UNC5D: variants seen among roughly 807,000 people sequenced by gnomAD.
UNC5D encodes unc-5 netrin receptor D, also known as netrin receptor UNC5D.
Under a neutral mutation model 105.4 loss-of-function variants are expected in UNC5D, and 39 were observed. That is an observed-to-expected ratio of 0.37 (90% CI 0.29 to 0.48). The LOEUF (loss-of-function observed/expected upper bound fraction) is 0.48, where lower values mean the gene tolerates loss of function less well. UNC5D is among the 20% of genes least tolerant of loss of function. The pLI is 0.98. For missense variants in UNC5D, 991 were observed against 1,202.4 expected, an observed-to-expected ratio of 0.82 and a Z score of 2.60; for synonymous variants, 452 against 450.4, an observed-to-expected ratio of 1.00 and a Z score of -0.04.
intron 4 of UNC5D, among the ~76,000 whole-genome samples, chr8:35,659,359 T>C (rs1823977358): frequency 6.6e-6 from 1 of 152,216 alleles, no homozygotes; most frequent in African/African-American, 2.4e-5. Flanking sequence ...TTGAGATCAA[T>C]TTTGTGAAAT....
intron 1 of UNC5D, among the ~76,000 whole-genome samples, chr8:35,508,955 A>T (rs1812509635): frequency 6.6e-6 from 1 of 152,218 alleles, no homozygotes; most frequent in Non-Finnish European, 1.5e-5. Context: ...AATAGTTTGA[A>T]TTTATTATTA....
chr8:35,678,311 T>C (rs983998724), intron 4 of UNC5D, among the ~76,000 whole-genome samples: 25 of 152,314 alleles, frequency 1.6e-4, no homozygotes, highest in African/African-American at 5.8e-4. Context: ...GCATCAGTCA[T>C]AATACCTTCC....
chr8:35,474,450 T>C (rs1417117294), intron 1 of UNC5D, among the ~76,000 whole-genome samples: 1 of 152,176 alleles, frequency 6.6e-6, no homozygotes, highest in Non-Finnish European at 1.5e-5. Flanking sequence ...TGTAGAAATA[T>C]GAGAAAAAGA....
chr8:35,467,551 C>T (rs1475383816), intron 1 of UNC5D, among the ~76,000 whole-genome samples: 2 of 131,910 alleles, frequency 1.5e-5, no homozygotes, highest in Non-Finnish European at 3.1e-5. Flanking sequence ...ACCTTCCATG[C>T]CATAATGAAA....
intron 9 of UNC5D, among the ~76,000 whole-genome samples, chr8:35,725,652 G>C (rs572296981): frequency 1.3e-5 from 2 of 152,026 alleles, no homozygotes; most frequent in African/African-American, 4.8e-5. Context: ...ACAGAATTCC[G>C]TATGAAATGC....
intron 1 of UNC5D, among the ~76,000 whole-genome samples, chr8:35,237,195 T>G (rs1033656170): frequency 6.7e-6 from 1 of 148,242 alleles, no homozygotes; most frequent in Non-Finnish European, 1.5e-5. Flanking sequence ...TTTTTTTTTT[T>G]TTTTTTTTTT....
Position 35,790,513 on chromosome 8 carries a change from T to A in UNC5D, c.2812T>A (p.Ser938Thr). The change falls in exon 17 of 17, where the codon TCC becomes ACC. Residue 938 changes from serine (S) to threonine (T), a missense_variant. Physicochemically the swap from Ser to Thr is moderately conservative, Grantham distance 58 (BLOSUM62 1). This residue lies in a region of UNC5D where 45 missense variants were observed against 54.5 expected (regional missense o/e 0.83). Coordinates refer to ENST00000404895, the MANE Select transcript of UNC5D (RefSeq NM_080872.4). ...THTKLSNISE[S>T]QLDEADFNYS... ...CACGAAACTCTCAAACATTTCAGAA[T>A]CCCAGCTTGATGAAGCCGACTTCAA... The A allele has an allele frequency of 6.2e-7, 1 of 1,613,872 alleles. No individual in the cohort carries two copies. Among genetic ancestry groups the A allele is most frequent in the Non-Finnish European group, 8.5e-7 (1 of 1,179,864 alleles).
At chr8:35,354,085 T>C (rs949670874) in intron 1 of UNC5D, among the ~76,000 whole-genome samples, 1 of 152,116 alleles carries the variant, frequency 6.6e-6, no homozygotes, top group African/African-American at 2.4e-5. Flanking sequence ...AGCAACTTGT[T>C]TTAGGTATGT....
intron 4 of UNC5D, among the ~76,000 whole-genome samples, chr8:35,653,773 T>G (rs1328693584): frequency 6.6e-6 from 1 of 152,250 alleles, no homozygotes; most frequent in African/African-American, 2.4e-5. Context: ...TCTTTCCCAG[T>G]CATTTTTAAT....
chr8:35,435,557 A>T (rs909375655), intron 1 of UNC5D, among the ~76,000 whole-genome samples: 6 of 152,148 alleles, frequency 3.9e-5, no homozygotes, highest in African/African-American at 1.4e-4. Flanking sequence ...TGACTACATC[A>T]TTATAATATT....
At chr8:35,715,391 C>T (rs1048128698) in intron 8 of UNC5D, among the ~76,000 whole-genome samples, 2 of 152,126 alleles carry the variant, frequency 1.3e-5, no homozygotes, top group African/African-American at 4.8e-5. Flanking sequence ...GGAAGACAAG[C>T]TTGCTTTTTG....
chr8:35,465,134 T>C (rs1195228169), intron 1 of UNC5D, among the ~76,000 whole-genome samples: 1 of 152,250 alleles, frequency 6.6e-6, no homozygotes, highest in Non-Finnish European at 1.5e-5. Flanking sequence ...CTCATGCCTG[T>C]AATCCTAACA....
At chr8:35,744,371 G>A (rs941131903) in intron 11 of UNC5D, among the ~76,000 whole-genome samples, 3 of 152,178 alleles carry the variant, frequency 2.0e-5, no homozygotes, top group African/African-American at 7.2e-5. Context: ...CTTTGGGAAT[G>A]TGTAAATAGT....
chr8:35,559,586 A>G (rs1816808618), intron 2 of UNC5D, among the ~76,000 whole-genome samples: 1 of 152,204 alleles, frequency 6.6e-6, no homozygotes, highest in South Asian at 2.1e-4. Context: ...GTTGGTAGGC[A>G]CCGGGCTGGG....
intron 3 of UNC5D, among the ~76,000 whole-genome samples, chr8:35,583,154 C>A (rs532141865): frequency 1.3e-5 from 2 of 152,144 alleles, no homozygotes; most frequent in Non-Finnish European, 2.9e-5. Context: ...GAGTTAGAGA[C>A]CAGCCTGGGC....
chr8:35,517,660 G>A (rs1813190540), intron 1 of UNC5D, among the ~76,000 whole-genome samples: 1 of 152,174 alleles, frequency 6.6e-6, no homozygotes, highest in Admixed American at 6.5e-5. Flanking sequence ...CTCACCCAAT[G>A]CATTTCTTTG....
At chr8:35,738,904 G>A (rs914416523) in intron 11 of UNC5D, among the ~76,000 whole-genome samples, 19 of 152,180 alleles carry the variant, frequency 1.2e-4, no homozygotes, top group African/African-American at 4.6e-4. Flanking sequence ...CTGATTTGTT[G>A]CTGTGAGACT....
At chr8:35,406,366 A>C (rs957943425) in intron 1 of UNC5D, among the ~76,000 whole-genome samples, 2 of 152,162 alleles carry the variant, frequency 1.3e-5, no homozygotes, top group East Asian at 3.8e-4. Context: ...TTTTCCTGCA[A>C]GTTATTTTTT....
intron 1 of UNC5D, among the ~76,000 whole-genome samples, chr8:35,267,401 A>G (rs184610631): frequency 6.6e-6 from 1 of 152,244 alleles, no homozygotes; most frequent in Non-Finnish European, 1.5e-5. Flanking sequence ...TCTTGACAAT[A>G]TTTTGTGCTG....
Sources: gnomAD v4.1 joint callset for allele counts (sites outside exome capture counted in the v4.1 genomes callset) on GRCh38, gnomAD v4.1.1 for gene constraint, gnomAD v4.1.1 regional missense constraint, MANE v1.5 for transcripts, NCBI Gene and HGNC (gene_info 2026-07-23, HGNC 2026-07-21) for gene names.